Variants in PI4KA observed in about 807,000 individuals in gnomAD.
PI4KA encodes the protein PI4-kinase alpha.
In PI4KA, 122 loss-of-function variants were observed where a neutral mutation model predicts 271.4. The observed-to-expected ratio is 0.45, with a 90% confidence interval of 0.39 to 0.52. The LOEUF (loss-of-function observed/expected upper bound fraction) is 0.52. PI4KA is among the 20% of genes least tolerant of loss of function. The pLI, the probability that PI4KA is intolerant of heterozygous loss-of-function variation, is 0.00. For synonymous variants in PI4KA, 1,041 were observed against 1,078.8 expected, an observed-to-expected ratio of 0.96 and a Z score of 0.69; for missense variants, 1,969 against 2,769.1, an observed-to-expected ratio of 0.71 and a Z score of 6.48.
At position 20,834,657 on chromosome 22, in the gene PI4KA, T is replaced by TA. The variant is rs755429958; in HGVS notation, c.274-3dup. On this transcript the variant is annotated splice_polypyrimidine_tract_variant and splice_region_variant and intron_variant, in intron 2 of 54. Coordinates refer to ENST00000255882, the MANE Select transcript of PI4KA (RefSeq NM_058004.4). ...GTAAGGAACCACACAATCTTTGTGC[T>TA]AAAAAATAATAAGAAGAATAATAAA... The TA allele has an allele frequency of 5.2e-5, 81 of 1,558,218 alleles. No homozygotes were observed. Among genetic ancestry groups the TA allele is most frequent in the Non-Finnish European group, 6.6e-5 (75 of 1,131,440 alleles).
chr22:20,740,426 A>T (rs985879729), intron 32 of PI4KA, among the ~76,000 whole-genome samples: 33 of 150,412 alleles, frequency 2.2e-4, no homozygotes, highest in Admixed American at 1.3e-3. Context: ...AAAAAAAATT[A>T]AAAAAATATT....
chr22:20,776,261 T>C (rs165866), intron 19 of PI4KA, among the ~76,000 whole-genome samples: 74,046 of 151,918 alleles, frequency 0.49, 18,562 homozygotes, highest in African/African-American at 0.59. Context: ...GAGGAACAGG[T>C]GGCAGTGAAC....
chr22:20,759,402 C>CTTTTTTTTTTTTTTTTTTTTT (rs886192073), intron 23 of PI4KA, among the ~76,000 whole-genome samples: 24 of 102,886 alleles, frequency 2.3e-4, no homozygotes, highest in African/African-American at 4.5e-4. Context: ...CTTTTCTTTT[C>CTTTTTTTTTTTTTTTTTTTTT]TTTTTTTTTT....
At position 20,804,964 on chromosome 22, in the gene PI4KA, T is replaced by G; in HGVS notation, c.1360+10A>C. ...GGAGCTCACATGAGAGGCAAGGCAGTCTGTCTCACCCTGCTCGTCCTTCAC... is the reference window on the plus strand; with the variant it reads ...GGAGCTCACATGAGAGGCAAGGCAGGCTGTCTCACCCTGCTCGTCCTTCAC... On this transcript the variant is annotated intron_variant, in intron 11 of 54. Transcript: ENST00000255882. The G allele has an allele frequency of 6.3e-7, 1 of 1,598,594 alleles. No homozygotes were observed. The highest frequency in any genetic ancestry group is 1.1e-5 in the South Asian group (1 of 89,282).
intron 4 of PI4KA, among the ~76,000 whole-genome samples, chr22:20,821,929 T>A (rs1446482416): frequency 6.6e-6 from 1 of 152,082 alleles, no homozygotes; most frequent in Non-Finnish European, 1.5e-5. Context: ...AGCGGGTGGA[T>A]CAGTTGAGCT....
At chr22:20,826,630 G>A (rs1923456716) in intron 3 of PI4KA, among the ~76,000 whole-genome samples, 1 of 152,210 alleles carries the variant, frequency 6.6e-6, no homozygotes, top group African/African-American at 2.4e-5. Context: ...TTGCCAAACT[G>A]CATTCCACAA....
At chr22:20,755,301 A>ATGTCT (rs1488655706) in intron 23 of PI4KA, among the ~76,000 whole-genome samples, 2 of 152,272 alleles carry the variant, frequency 1.3e-5, no homozygotes, top group East Asian at 3.9e-4. Context: ...GACAGGCCCC[A>ATGTCT]TGTCTTGTCT....
At chr22:20,717,605 T>C (rs1039060347) in intron 45 of PI4KA, 103 bp downstream of exon 45, 28 of 1,043,984 alleles carry the variant, frequency 2.7e-5, no homozygotes, top group Non-Finnish European at 3.6e-5. Flanking sequence ...GCCAAGCCAC[T>C]GTGTCCACAT....
At chr22:20,719,671 G>A (rs1926461225) in intron 43 of PI4KA, among the ~76,000 whole-genome samples, 1 of 151,976 alleles carries the variant, frequency 6.6e-6, no homozygotes, top group African/African-American at 2.4e-5. Flanking sequence ...CCACTCAAAG[G>A]AACTGAAACA....
At chr22:20,759,402 CTT>C (rs886192073) in intron 23 of PI4KA, among the ~76,000 whole-genome samples, 16 of 102,896 alleles carry the variant, frequency 1.6e-4, no homozygotes, top group Non-Finnish European at 1.9e-4. Flanking sequence ...CTTTTCTTTT[CTT>C]TTTTTTTTTT....
At chr22:20,783,435 TAA>T (rs362069) in intron 19 of PI4KA, among the ~76,000 whole-genome samples, 53,363 of 135,948 alleles carry the variant, frequency 0.39, 10,074 homozygotes, top group Admixed American at 0.46. Flanking sequence ...CATCTACAAT[TAA>T]AAAAAAAAAA....
chr22:20,804,778 T>A (rs1360781068), intron 11 of PI4KA, among the ~76,000 whole-genome samples, 196 bp downstream of exon 11: 5 of 152,234 alleles, frequency 3.3e-5, no homozygotes, highest in African/African-American at 4.8e-5. Flanking sequence ...GTGCCCTCCA[T>A]GCAGGACAGG....
intron 19 of PI4KA, among the ~76,000 whole-genome samples, chr22:20,790,699 A>AACAC (rs362174): frequency 0.032 from 4,480 of 139,284 alleles, 75 homozygotes; most frequent in South Asian, 0.053. Context: ...AAAAAAAACA[A>AACAC]ACACACACAC....
intron 23 of PI4KA, among the ~76,000 whole-genome samples, chr22:20,759,925 C>T (rs948242107): frequency 3.3e-5 from 5 of 152,182 alleles, no homozygotes; most frequent in South Asian, 2.1e-4. Context: ...GTCTCAAACT[C>T]CTGACCTCAG....
rs913112112 is a variant in PI4KA at position 20,834,573 on chromosome 22, C to T, written c.356G>A (p.Arg119Gln). The change falls in exon 3 of 55, where the codon CGG (arginine) becomes CAG (glutamine). Residue 119 changes from arginine (R) to glutamine (Q), a missense_variant. Physicochemically the swap from Arg to Gln is conservative, Grantham distance 43 (BLOSUM62 1). Transcript: ENST00000255882. ...TTATATACAATTACCTCTGCCTTTC[C>T]GAGCTGTGCTTTCTTCTACCCAATA... ...KVYWVEESTA[R>Q]KGRGALPVAE... is the part of the protein sequence containing the mutation. The T allele has an allele frequency of 1.4e-5, 22 of 1,597,912 alleles. No homozygotes were observed. The highest frequency in any genetic ancestry group is 1.9e-5 in the Non-Finnish European group (22 of 1,165,376).
chr22:20,776,301 G>A (rs1329088482), intron 19 of PI4KA, among the ~76,000 whole-genome samples: 1 of 152,142 alleles, frequency 6.6e-6, no homozygotes, highest in African/African-American at 2.4e-5. Context: ...TCCAGCCTGG[G>A]TGACAGAGTG....
At chr22:20,714,192 A>G (rs1000107017) in intron 47 of PI4KA, among the ~76,000 whole-genome samples, 2 of 151,766 alleles carry the variant, frequency 1.3e-5, no homozygotes, top group African/African-American at 4.8e-5. Context: ...ACCCCCCAAC[A>G]GCCCCGGGCC....
At chr22:20,812,896 C>A (rs5760765) in intron 8 of PI4KA, among the ~76,000 whole-genome samples, 3 of 152,112 alleles carry the variant, frequency 2.0e-5, no homozygotes, top group African/African-American at 7.2e-5. Flanking sequence ...TTTAAGGAAT[C>A]GAACAATGGC....
chr22:20,829,872 A>G (rs1569080821), intron 3 of PI4KA, among the ~76,000 whole-genome samples: 1 of 152,184 alleles, frequency 6.6e-6, no homozygotes, highest in Non-Finnish European at 1.5e-5. Context: ...TTAATTTCAA[A>G]TAATTTCTTG....
Sources: allele counts gnomAD v4.1 joint callset (sites outside exome capture counted in the v4.1 genomes callset), GRCh38; gene constraint gnomAD v4.1.1; transcripts MANE v1.5; gene names NCBI Gene and HGNC (gene_info 2026-07-23, HGNC 2026-07-21).